ABCA13: variants seen among roughly 807,000 people sequenced by gnomAD.
The protein encoded by ABCA13 is ATP-binding cassette sub-family A member 13.
A neutral mutation model predicts 478.7 loss-of-function variants in ABCA13; 476 were observed. That is an observed-to-expected ratio of 0.99 (90% CI 0.92 to 1.07). ABCA13 has a LOEUF of 1.07. ABCA13 is among the 50% of genes least tolerant of loss of function. The pLI, the probability that ABCA13 is intolerant of heterozygous loss-of-function variation, is 0.00. For synonymous variants in ABCA13, 2,252 were observed against 2,158.9 expected (o/e 1.04, Z -1.20); for missense variants, 6,060 against 5,910.6 (o/e 1.03, Z -0.83).
rs1428186685 is a variant in ABCA13, at chr7:48,587,181, C to T, written c.14533C>T (p.His4845Tyr). The T allele has an allele frequency of 2.5e-6, 4 of 1,613,200 alleles. No individual in the cohort carries two copies. Among genetic ancestry groups the T allele is most frequent in the Admixed American group, 1.7e-5 (1 of 59,948 alleles). Residue 4845 changes from histidine (H) to tyrosine (Y), a missense_variant, in exon 57 of 62, where the codon CAC becomes TAC. This residue lies in a region of ABCA13 where 1,627 missense variants were observed against 1,571.0 expected (regional missense o/e 1.04). Transcript: ENST00000435803. ...EVAGDLIRRL[H>Y]LEAHADKPVA... ...TGCTGGAGACCTCATCAGGCGCTTA[C>T]ACCTCGAAGCCCACGCGGACAAACC...
chr7:48,576,130 C>A (rs1427014736), intron 55 of ABCA13, among the ~76,000 whole-genome samples: 1 of 151,922 alleles, frequency 6.6e-6, no homozygotes, highest in East Asian at 1.9e-4. Context: ...GCAAATTCTA[C>A]AGTATTTTAT....
At chr7:48,342,736 C>G (rs1807433307) in intron 29 of ABCA13, among the ~76,000 whole-genome samples, 3 of 152,106 alleles carry the variant, frequency 2.0e-5, no homozygotes. Context: ...GTGTTCAATG[C>G]TTCTTATTTC....
rs141390203 is a variant in ABCA13, at chr7:48,204,411, A to G, written c.287+6051A>G. ...TTTTTAGTAAAGAGGGGGTTTCACC[A>G]TGTTGGCCAGGCTGGTCTTGAATTC... is the stretch of plus-strand genomic sequence containing the variant. On this transcript the variant is annotated intron_variant, in intron 3 of 61. Coordinates refer to ENST00000435803, the MANE Select transcript of ABCA13 (RefSeq NM_152701.5). Among the ~76,000 whole-genome samples, 29 of 152,070 alleles carry G rather than the reference A, an allele frequency of 1.9e-4. No homozygotes were observed. In the East Asian group the frequency reaches 5.6e-3, roughly 29 times the overall value.
At chr7:48,308,709 A>G (rs1044206896) in intron 23 of ABCA13, among the ~76,000 whole-genome samples, 1 of 152,010 alleles carries the variant, frequency 6.6e-6, no homozygotes, top group African/African-American at 2.4e-5. Flanking sequence ...TTGGTCAACA[A>G]TGGACCCCAT....
intron 3 of ABCA13, among the ~76,000 whole-genome samples, chr7:48,202,970 C>T (rs1341567962): frequency 6.6e-6 from 1 of 152,208 alleles, no homozygotes; most frequent in Admixed American, 6.5e-5. Flanking sequence ...GGGGGCGGCG[C>T]TCGTCGGGGA....
rs1044087245 is a variant in ABCA13, at chr7:48,407,077, A to C, written c.12070+3198A>C. 3.0e-4 allele frequency among the ~76,000 whole-genome samples: 45 copies of C among 152,104 alleles called. 1 individual carries two copies. On this transcript the variant is annotated intron_variant, in intron 39 of 61. Transcript: ENST00000435803. ...TCATTAAAGTATAATTGACAAATGA[A>C]AATTGTGTATTTGTGGTGTATAGAG... is the stretch of plus-strand genomic sequence containing the variant.
At chr7:48,515,068 G>T (rs764644462) in intron 51 of ABCA13, among the ~76,000 whole-genome samples, 2 of 152,230 alleles carry the variant, frequency 1.3e-5, no homozygotes, top group Non-Finnish European at 2.9e-5. Context: ...TAGACTAAGA[G>T]TTAACTTGAG....
At chr7:48,221,918 A>G (rs1787413792) in intron 5 of ABCA13, among the ~76,000 whole-genome samples, 1 of 152,212 alleles carries the variant, frequency 6.6e-6, no homozygotes. Context: ...AACCCTGACA[A>G]TATTAAAAAT....
At chr7:48,330,561 A>ACATCCATC (rs568787723) in intron 27 of ABCA13, among the ~76,000 whole-genome samples, 1 of 137,784 alleles carries the variant, frequency 7.3e-6, no homozygotes, top group African/African-American at 2.7e-5. Context: ...ATCCATCCAC[A>ACATCCATC]CATCCATCCA....
rs935233162 is a variant in ABCA13 at position 48,455,155 on chromosome 7, C to G, written c.12684C>G (p.Ala4228=). The G allele has an allele frequency of 1.3e-6, 2 of 1,580,582 alleles. No individual in the cohort carries two copies. The highest frequency in any genetic ancestry group is 2.3e-5 in the East Asian group (1 of 42,826). The change falls in exon 43 of 62, where the codon GCC becomes GCG. Residue 4228 remains alanine (A), a synonymous_variant. Transcript: ENST00000435803. ...RTLRAGKSTL[A]DLLLPVLFVA... ...TGCGCGCCGGGAAGAGCACCCTCGC[C>G]GACCTGCTGCTGCCAGTCCTCTTCG...
chr7:48,622,425 G>T (rs1793227385), intron 59 of ABCA13, among the ~76,000 whole-genome samples: 1 of 152,052 alleles, frequency 6.6e-6, no homozygotes, highest in East Asian at 1.9e-4. Context: ...ATAAACTCCT[G>T]GAAAATTCTC....
chr7:48,601,217 C>T (rs1052262549), intron 58 of ABCA13, among the ~76,000 whole-genome samples: 2 of 151,870 alleles, frequency 1.3e-5, no homozygotes, highest in Non-Finnish European at 2.9e-5. Flanking sequence ...TCAGACTTTT[C>T]TTTAATTCTT....
intron 30 of ABCA13, among the ~76,000 whole-genome samples, chr7:48,351,474 G>T (rs1021268758): frequency 6.6e-6 from 1 of 152,184 alleles, no homozygotes; most frequent in Non-Finnish European, 1.5e-5. Context: ...GGGCTATGAG[G>T]AGAGAATCTT....
intron 60 of ABCA13, among the ~76,000 whole-genome samples, chr7:48,644,091 A>G (rs569184384): frequency 6.6e-6 from 1 of 152,316 alleles, no homozygotes; most frequent in East Asian, 1.9e-4. Flanking sequence ...AAATCCTACT[A>G]TGCAAGAAGC....
chr7:48,359,363 C>T (rs1361489802), intron 31 of ABCA13, among the ~76,000 whole-genome samples: 4 of 151,988 alleles, frequency 2.6e-5, no homozygotes, highest in African/African-American at 4.8e-5. Context: ...CCTTCCCTGA[C>T]CTCCACTCAC....
In ABCA13 at chr7:48,249,321, A is replaced by G. The variant is rs529600795; in HGVS notation, c.1975A>G (p.Met659Val). 6.2e-6 allele frequency: 10 copies of G among 1,613,382 alleles called. 1 individual carries two copies. The South Asian group carries it at 9.9e-5, about 16-fold the overall frequency. Reference sequence around the variant, plus strand: ...TTGCGAAGTGGCCCAATATGTAAATATGCAAGAGAGTTTCCAGAACAGACT... The same window carrying G: ...TTGCGAAGTGGCCCAATATGTAAATGTGCAAGAGAGTTTCCAGAACAGACT... Reference protein sequence around the residue: ...KTCEVAQYVNMQESFQNRLLA... With the variant: ...KTCEVAQYVNVQESFQNRLLA... The change falls in exon 15 of 62, where the codon ATG (methionine) becomes GTG (valine). Residue 659 changes from methionine (M) to valine (V), a missense_variant. This residue lies in a region of ABCA13 where 4,423 missense variants were observed against 4,309.1 expected (regional missense o/e 1.03). Transcript: ENST00000435803.
rs1796129481 is a variant in ABCA13 at position 48,275,149 on chromosome 7, C to G, written c.5483C>G (p.Thr1828Arg). Residue 1828 changes from threonine to arginine, a missense_variant, in exon 17 of 62, where the codon ACA becomes AGA. Coordinates refer to ENST00000435803, the MANE Select transcript of ABCA13 (RefSeq NM_152701.5). ...CFPVVWCWNH[T>R]NSGFRQNSKI... ...CCTGTGGTTTGGTGCTGGAATCACA[C>G]AAATTCTGGATTTCGGCAGAATTCA... The G allele has an allele frequency of 5.0e-6, 8 of 1,613,908 alleles. No individual in the cohort carries two copies. In the East Asian group the frequency reaches 1.8e-4, roughly 36 times the overall value.
chr7:48,370,017 C>T (rs975874036), intron 32 of ABCA13, among the ~76,000 whole-genome samples: 5 of 152,056 alleles, frequency 3.3e-5, no homozygotes, highest in African/African-American at 1.2e-4. Context: ...TCTACCCATC[C>T]GTGAGCATGG....
At chr7:48,192,280 G>A (rs1797208993) in intron 1 of ABCA13, among the ~76,000 whole-genome samples, 1 of 151,838 alleles carries the variant, frequency 6.6e-6, no homozygotes, top group Admixed American at 6.6e-5. Context: ...GAAAATTTGA[G>A]GTTGTACAAA....
Sources: allele counts gnomAD v4.1 joint callset (sites outside exome capture counted in the v4.1 genomes callset), GRCh38; gene constraint gnomAD v4.1.1; regional missense constraint gnomAD v4.1.1; transcripts MANE v1.5; gene names NCBI Gene and HGNC (gene_info 2026-07-23, HGNC 2026-07-21).